Variants in MTMR12 observed in about 807,000 individuals in gnomAD.
MTMR12 encodes myotubularin-related protein 12.
MTMR12 carries 33 observed loss-of-function variants against 96.7 expected under a neutral mutation model. The ratio of observed to expected loss-of-function variants is 0.34; its 90% confidence interval spans 0.26 to 0.46. The LOEUF (loss-of-function observed/expected upper bound fraction) is 0.46. Among genes scored for constraint, MTMR12 ranks in the 20% least tolerant of loss-of-function variants. MTMR12 has a pLI of 1.00. For missense variants in MTMR12, 721 were observed against 896.1 expected, an observed-to-expected ratio of 0.80 and a Z score of 2.49; for synonymous variants, 298 against 327.2, an observed-to-expected ratio of 0.91 and a Z score of 0.96.
At chr5:32,276,604 T>C (rs1750059228) in intron 2 of MTMR12, 78 bp downstream of exon 2, 1 of 1,243,072 alleles carries the variant, frequency 8.0e-7, no homozygotes, top group Admixed American at 1.9e-5. Flanking sequence ...GGAGTTTAAA[T>C]ATAGCAAGGC....
intron 1 of MTMR12, among the ~76,000 whole-genome samples, chr5:32,300,005 C>G (rs1032792599): frequency 6.6e-6 from 1 of 152,182 alleles, no homozygotes; most frequent in African/African-American, 2.4e-5. Flanking sequence ...TCTGTGCCCC[C>G]AGAGCACTTG....
intron 12 of MTMR12, among the ~76,000 whole-genome samples, chr5:32,240,789 CAG>C (rs1748438334): frequency 6.6e-6 from 1 of 152,144 alleles, no homozygotes; most frequent in African/African-American, 2.4e-5. Context: ...TTAGTAGAGA[CAG>C]GGTTTCGTCA....
At chr5:32,232,967 T>C in intron 15 of MTMR12, 1 of 985,210 alleles carries the variant, frequency 1.0e-6, no homozygotes, top group Non-Finnish European at 1.2e-6. Flanking sequence ...TTACCATCAC[T>C]GCTCTCTCCT....
At chr5:32,248,274 TC>T in intron 9 of MTMR12, 148 bp from the exon 10 acceptor site, 1 of 867,482 alleles carries the variant, frequency 1.2e-6, no homozygotes, top group Non-Finnish European at 1.7e-6. Context: ...GGACTCCTGT[TC>T]CCAGTCAATG....
Position 32,229,497 on chromosome 5 carries a change from G to A in MTMR12, c.*281C>T. 7.2e-6 allele frequency: 2 copies of A among 277,910 alleles called. No individual in the cohort carries two copies. 17.2% of individuals were successfully genotyped at this position (277,910 alleles called of 1,614,324 possible). A position where few individuals can be genotyped will look rare whatever the true frequency, so the allele number is the denominator to read the frequency against. On this transcript the variant is annotated 3_prime_UTR_variant, in exon 16 of 16. Transcript: ENST00000382142. ...TCTGGTAGTAAACTGGCCATTGTGG[G>A]CTCTGTATAATACTTAGGCATCAGA... is the stretch of plus-strand genomic sequence containing the variant.
chr5:32,237,212 T>C (rs1009684339), intron 13 of MTMR12, among the ~76,000 whole-genome samples: 2 of 152,248 alleles, frequency 1.3e-5, no homozygotes, highest in Admixed American at 6.5e-5. Flanking sequence ...ACTGCTAGCA[T>C]ACGTCAGCGC....
chr5:32,312,660 A>G lies in MTMR12; in HGVS notation c.81+98T>C. On this transcript the variant is annotated intron_variant, in intron 1 of 15. Transcript: ENST00000382142. This position sits in a 1 kb window ranked among gnomAD's most constrained non-coding sequence, Gnocchi z 5.0. The stretch of plus-strand genomic sequence containing the variant: ...CCCGTCGCCCGGCACAAGGGCAGGA[A>G]GCGCTCCGCGGCGCTCCCCGCTGCA... 22 of 1,144,958 alleles carry G rather than the reference A, an allele frequency of 1.9e-5. No individual in the cohort carries two copies. The highest frequency in any genetic ancestry group is 2.3e-5 in the Non-Finnish European group (21 of 895,476). 70.9% of individuals were successfully genotyped at this position (1,144,958 alleles called of 1,614,324 possible).
intron 2 of MTMR12, among the ~76,000 whole-genome samples, 187 bp from the exon 3 acceptor site, chr5:32,274,309 A>T (rs1251894833): frequency 6.6e-6 from 1 of 152,192 alleles, no homozygotes; most frequent in African/African-American, 2.4e-5. Context: ...GCAGAGTGGA[A>T]ACCACCAAGA....
In MTMR12 at chr5:32,307,585, T is replaced by C. The variant is rs546436276; in HGVS notation, c.81+5173A>G. ...AATCAAAGGTCCAAAATTATGGTCC[T>C]ATATACAAAATTATGGTTTTAACTG... On this transcript the variant is annotated intron_variant, in intron 1 of 15. Transcript: ENST00000382142. 3.9e-5 allele frequency among the ~76,000 whole-genome samples: 6 copies of C among 152,312 alleles called. No homozygotes were observed. The South Asian group carries it at 1.0e-3, about 26-fold the overall frequency.
At chr5:32,277,839 A>T (rs189024123) in intron 1 of MTMR12, among the ~76,000 whole-genome samples, 2 of 152,354 alleles carry the variant, frequency 1.3e-5, no homozygotes, top group Non-Finnish European at 2.9e-5. Flanking sequence ...CCCAAAGGTA[A>T]GAATAGGAAA....
Position 32,233,941 on chromosome 5 carries a change from A to G in MTMR12, c.1513-7T>C, listed in dbSNP as rs771257374. 5.0e-6 allele frequency: 8 copies of G among 1,613,996 alleles called. No individual in the cohort carries two copies. Among genetic ancestry groups the G allele is most frequent in the Non-Finnish European group, 5.9e-6 (7 of 1,180,008 alleles). ...TATCCTGGCCTTCTCTACCCTGCCA[A>G]AACAAGCACAGGTCATGCTGTTTTC... On this transcript the variant is annotated splice_polypyrimidine_tract_variant and splice_region_variant and intron_variant, in intron 14 of 15. Coordinates refer to ENST00000382142, the MANE Select transcript of MTMR12 (RefSeq NM_001040446.3). The surrounding 1 kb of genome is among the most constrained non-coding windows in gnomAD (Gnocchi z 5.0).
At chr5:32,292,300 G>A (rs1362992418) in intron 1 of MTMR12, among the ~76,000 whole-genome samples, 2 of 152,114 alleles carry the variant, frequency 1.3e-5, no homozygotes, top group Non-Finnish European at 2.9e-5. Context: ...AGGAATTAAA[G>A]GGTGGAAGTG....
intron 1 of MTMR12, among the ~76,000 whole-genome samples, chr5:32,280,340 C>CT (rs1173805229): frequency 2.0e-5 from 3 of 152,194 alleles, no homozygotes; most frequent in Non-Finnish European, 4.4e-5. Context: ...GGGACAAACT[C>CT]TAAGAAGCAA....
At chr5:32,308,308 C>T (rs1008827715) in intron 1 of MTMR12, among the ~76,000 whole-genome samples, 1 of 151,190 alleles carries the variant, frequency 6.6e-6, no homozygotes, top group Non-Finnish European at 1.5e-5. Context: ...GGTGACAGAA[C>T]GAGGCTCCAT....
intron 1 of MTMR12, among the ~76,000 whole-genome samples, chr5:32,279,133 A>G (rs113009093): frequency 0.019 from 2,705 of 139,784 alleles, 107 homozygotes; most frequent in African/African-American, 0.068. Context: ...ATGGCTGGGC[A>G]CAGCAACTCA....
intron 1 of MTMR12, among the ~76,000 whole-genome samples, chr5:32,284,906 T>C (rs985240857): frequency 5.3e-5 from 8 of 152,214 alleles, no homozygotes; most frequent in Non-Finnish European, 1.2e-4. Flanking sequence ...TTAAAAATGG[T>C]CTTTGTGCTT....
chr5:32,253,509 A>T (rs964382841), intron 8 of MTMR12, among the ~76,000 whole-genome samples: 7 of 152,252 alleles, frequency 4.6e-5, no homozygotes, highest in African/African-American at 1.7e-4. Flanking sequence ...GTAGATGTAT[A>T]AATTCCATCT....
chr5:32,276,199 G>A (rs2112094016), intron 2 of MTMR12, among the ~76,000 whole-genome samples: 1 of 152,316 alleles, frequency 6.6e-6, no homozygotes, highest in Non-Finnish European at 1.5e-5. Flanking sequence ...CGCAATGACT[G>A]CAGGGCGAAG....
chr5:32,273,341 A>G (rs980083325), intron 3 of MTMR12, among the ~76,000 whole-genome samples: 1 of 152,176 alleles, frequency 6.6e-6, no homozygotes, highest in Non-Finnish European at 1.5e-5. Flanking sequence ...ACGCCACAGC[A>G]CTCCAACCTG....
Sources: allele counts gnomAD v4.1 joint callset (sites outside exome capture counted in the v4.1 genomes callset), GRCh38; gene constraint gnomAD v4.1.1; non-coding constraint Gnocchi (gnomAD v3.1); transcripts MANE v1.5; gene names NCBI Gene and HGNC (gene_info 2026-07-23, HGNC 2026-07-21).